The following LRRC7 variants were observed in gnomAD, a reference collection of about 807,000 sequenced individuals.
The protein encoded by LRRC7 is leucine-rich repeat-containing protein 7.
In LRRC7, 23 loss-of-function variants were observed where a neutral mutation model predicts 175.7. The ratio of observed to expected loss-of-function variants is 0.13; its 90% CI spans 0.09 to 0.19. The LOEUF (loss-of-function observed/expected upper bound fraction) is 0.19. Ranked by LOEUF, LRRC7 falls within the 10% of genes least tolerant of loss-of-function variation. The pLI is 1.00. For missense variants in LRRC7, 1,354 were observed against 1,904.7 expected, an observed-to-expected ratio of 0.71 and a Z score of 5.38; for synonymous variants, 685 against 680.9, an observed-to-expected ratio of 1.01 and a Z score of -0.09.
At chr1:69,606,108 T>G (rs1051558013) in intron 1 of LRRC7, among the ~76,000 whole-genome samples, 3 of 152,152 alleles carry the variant, frequency 2.0e-5, no homozygotes, top group African/African-American at 7.2e-5. Context: ...TTCCCTTTCA[T>G]GCAAGTACAA....
intron 20 of LRRC7, 81 bp downstream of exon 20, chr1:70,036,705 G>T: frequency 6.9e-7 from 1 of 1,440,496 alleles, no homozygotes; most frequent in South Asian, 1.4e-5. Flanking sequence ...CTTAATTTTG[G>T]AATTGTATTC....
chr1:69,653,278 A>T (rs887146621), intron 1 of LRRC7, among the ~76,000 whole-genome samples: 3 of 69,438 alleles, frequency 4.3e-5, no homozygotes, highest in South Asian at 5.9e-4. Flanking sequence ...CAAATAATTT[A>T]AAAACTTTTT....
chr1:69,812,362 A>G (rs537241847), intron 4 of LRRC7, among the ~76,000 whole-genome samples: 7 of 152,220 alleles, frequency 4.6e-5, no homozygotes, highest in Non-Finnish European at 8.8e-5. Context: ...TCTGAGCCTC[A>G]GTTTCTTCAT....
At chr1:69,688,238 G>A (rs537373984) in intron 2 of LRRC7, among the ~76,000 whole-genome samples, 4 of 152,292 alleles carry the variant, frequency 2.6e-5, no homozygotes, top group South Asian at 4.1e-4. Context: ...GTAAGGAGTA[G>A]GGTTCATTTG....
chr1:69,645,214 A>G (rs1654836380), intron 1 of LRRC7, among the ~76,000 whole-genome samples: 1 of 152,092 alleles, frequency 6.6e-6, no homozygotes, highest in Admixed American at 6.6e-5. Context: ...ACCCAAAGGA[A>G]TCTATAAAGC....
At chr1:69,789,369 ATG>A (rs10599308) in intron 3 of LRRC7, among the ~76,000 whole-genome samples, 151,251 of 152,150 alleles carry the variant, frequency 0.99, 75,182 homozygotes, top group Middle Eastern at 1. Flanking sequence ...TGAGTTTACC[ATG>A]TGACCACTAA....
At chr1:69,950,852 T>C (rs1649837273) in intron 8 of LRRC7, among the ~76,000 whole-genome samples, 1 of 152,108 alleles carries the variant, frequency 6.6e-6, no homozygotes, top group Admixed American at 6.6e-5. Flanking sequence ...CTTTTAGTTG[T>C]AATCTGGATG....
At chr1:69,842,770 A>G (rs758938431) in intron 7 of LRRC7, among the ~76,000 whole-genome samples, 3 of 152,196 alleles carry the variant, frequency 2.0e-5, no homozygotes, top group Non-Finnish European at 2.9e-5. Flanking sequence ...GCTATGGAAT[A>G]TAGAAAAGTA....
At chr1:70,009,252 A>G (rs1159485121) in intron 11 of LRRC7, among the ~76,000 whole-genome samples, 5 of 152,166 alleles carry the variant, frequency 3.3e-5, no homozygotes, top group Admixed American at 2.0e-4. Flanking sequence ...CACGACCCCA[A>G]ACTATTGATA....
intron 7 of LRRC7, among the ~76,000 whole-genome samples, chr1:69,898,686 G>A (rs1646049082): frequency 6.6e-6 from 1 of 151,712 alleles, no homozygotes; most frequent in South Asian, 2.1e-4. Flanking sequence ...TGCTGCTGCT[G>A]CTGCTCAAAT....
intron 1 of LRRC7, among the ~76,000 whole-genome samples, chr1:69,663,871 G>A (rs1012590124): frequency 5.3e-5 from 8 of 151,136 alleles, no homozygotes; most frequent in East Asian, 1.9e-4. Context: ...ACAGGCGCCC[G>A]CCACCGCGCC....
At chr1:69,598,995 A>G (rs1397661460) in intron 1 of LRRC7, among the ~76,000 whole-genome samples, 1 of 152,218 alleles carries the variant, frequency 6.6e-6, no homozygotes, top group East Asian at 1.9e-4. Flanking sequence ...TAGCATGACA[A>G]ATGAAACGTA....
chr1:69,792,250 CT>C, intron 4 of LRRC7, 90 bp downstream of exon 4: 1 of 778,116 alleles, frequency 1.3e-6, no homozygotes. Flanking sequence ...TCTAAAATAA[CT>C]TTTTCTTTGA....
intron 26 of LRRC7, among the ~76,000 whole-genome samples, chr1:70,119,176 C>T (rs952470964): frequency 3.3e-5 from 5 of 151,178 alleles, no homozygotes; most frequent in African/African-American, 9.7e-5. Context: ...CTCGAGGAGA[C>T]TCTAGGAATG....
At chr1:70,099,648 G>A (rs1664673599) in intron 25 of LRRC7, among the ~76,000 whole-genome samples, 1 of 152,146 alleles carries the variant, frequency 6.6e-6, no homozygotes. Flanking sequence ...CTTTGAGGGA[G>A]CCTTCAGGAA....
chr1:70,051,901 A>G (rs1158728768), intron 22 of LRRC7, among the ~76,000 whole-genome samples: 1 of 152,052 alleles, frequency 6.6e-6, no homozygotes, highest in African/African-American at 2.4e-5. Context: ...AGACCACTCA[A>G]TATAACCAGA....
intron 23 of LRRC7, among the ~76,000 whole-genome samples, chr1:70,054,657 T>C (rs1277684636): frequency 1.5e-5 from 2 of 129,908 alleles, no homozygotes; most frequent in Non-Finnish European, 3.1e-5. Flanking sequence ...AGTGGCGCGA[T>C]CTCTGCTCAC....
At chr1:69,758,298 GA>G (rs1365431807) in intron 2 of LRRC7, among the ~76,000 whole-genome samples, 1 of 152,008 alleles carries the variant, frequency 6.6e-6, no homozygotes, top group African/African-American at 2.4e-5. Context: ...TAATGGAGAA[GA>G]AAGGTCAACT....
chr1:70,011,021 C>T (rs1456368604), intron 11 of LRRC7, among the ~76,000 whole-genome samples: 2 of 152,314 alleles, frequency 1.3e-5, no homozygotes, highest in Admixed American at 6.5e-5. Context: ...AGAGCTTTCT[C>T]TGTTTCAAGA....
Sources: allele counts gnomAD v4.1 joint callset (sites outside exome capture counted in the v4.1 genomes callset), GRCh38; gene constraint gnomAD v4.1.1; transcripts MANE v1.5; gene names NCBI Gene and HGNC (gene_info 2026-07-23, HGNC 2026-07-21).